Variants in CCDC171 observed in about 807,000 individuals in gnomAD.
CCDC171 encodes coiled-coil domain-containing protein 171.
CCDC171 carries 177 observed loss-of-function variants against 168.2 expected under a neutral mutation model. The observed-to-expected ratio is 1.05, with a 90% CI of 0.93 to 1.19. CCDC171 has a LOEUF of 1.19. CCDC171 is among the 50% of genes most tolerant of loss of function. The probability of loss-of-function intolerance (pLI) is 0.00; values close to 1 mark genes in which losing one functional copy is unlikely to be tolerated. For missense variants in CCDC171, 1,991 were observed against 1,539.0 expected (o/e 1.29, Z -4.91); for synonymous variants, 687 against 540.8 (o/e 1.27, Z -3.75).
intron 4 of CCDC171, among the ~76,000 whole-genome samples, chr9:15,590,753 TTTC>T (rs1318547196): frequency 2.3e-5 from 3 of 132,250 alleles, no homozygotes; most frequent in Non-Finnish European, 3.3e-5. Context: ...AATAGATTTT[TTTC>T]TTCTTTCTTT....
chr9:15,578,532 A>T (rs1039814), intron 3 of CCDC171, among the ~76,000 whole-genome samples: 61,293 of 150,418 alleles, frequency 0.41, 14,145 homozygotes, highest in East Asian at 0.74. Context: ...GGCCTCTCAA[A>T]GTGCTGGGAT....
chr9:15,880,700 T>C (rs1818529785), intron 24 of CCDC171, among the ~76,000 whole-genome samples: 1 of 149,820 alleles, frequency 6.7e-6, no homozygotes, highest in South Asian at 2.1e-4. Context: ...GGTCTCGAAC[T>C]CCTGACCTCA....
intron 25 of CCDC171, among the ~76,000 whole-genome samples, chr9:15,943,352 G>A (rs1169103737): frequency 1.3e-5 from 2 of 151,922 alleles, no homozygotes; most frequent in Non-Finnish European, 2.9e-5. Flanking sequence ...CACATATAGG[G>A]TACATTAGAC....
At chr9:15,761,783 C>A (rs2056458577) in intron 18 of CCDC171, among the ~76,000 whole-genome samples, 1 of 152,114 alleles carries the variant, frequency 6.6e-6, no homozygotes, top group Non-Finnish European at 1.5e-5. Context: ...ATTTAACTTA[C>A]AGATTTTTAC....
In CCDC171 at chr9:15,719,019, A is replaced by G. The variant is rs568233741; in HGVS notation, c.1319-2750A>G. 2.6e-5 allele frequency among the ~76,000 whole-genome samples: 4 copies of G among 152,314 alleles called. No homozygotes were observed. In the East Asian group the frequency reaches 5.8e-4, roughly 22 times the overall value. On this transcript the variant is annotated intron_variant, in intron 11 of 25. Coordinates refer to ENST00000380701, the MANE Select transcript of CCDC171 (RefSeq NM_173550.4). ...CCAGAAACCAACCCTGGAGATACAG[A>G]GATATATGACCTTTCAGATAGAGAA...
intron 7 of CCDC171, among the ~76,000 whole-genome samples, chr9:15,643,575 A>G (rs1328035253): frequency 6.6e-6 from 1 of 152,194 alleles, no homozygotes; most frequent in South Asian, 2.1e-4. Flanking sequence ...GATATACTTC[A>G]CATATCATAA....
intron 21 of CCDC171, among the ~76,000 whole-genome samples, chr9:15,829,668 C>T (rs2060150401): frequency 6.6e-6 from 1 of 152,016 alleles, no homozygotes; most frequent in African/African-American, 2.4e-5. Flanking sequence ...ACCTGTAATC[C>T]CAGCACTTTG....
intron 7 of CCDC171, among the ~76,000 whole-genome samples, chr9:15,632,133 C>T (rs918635016): frequency 6.6e-6 from 1 of 151,416 alleles, no homozygotes; most frequent in Non-Finnish European, 1.5e-5. Flanking sequence ...CCCTCTCTCA[C>T]CACTCCTATT....
rs1382590819 is a variant in CCDC171, at chr9:15,555,068, A to AT, written c.-112+1772dup. Among the ~76,000 whole-genome samples, 2 of 152,022 alleles carry AT rather than the reference A, an allele frequency of 1.3e-5. 1 individual carries two copies. Among genetic ancestry groups the AT allele is most frequent in the Non-Finnish European group, 2.9e-5 (2 of 67,964 alleles). On this transcript the variant is annotated intron_variant, in intron 1 of 25. Coordinates refer to ENST00000380701, the MANE Select transcript of CCDC171 (RefSeq NM_173550.4). The stretch of plus-strand genomic sequence containing the variant: ...AAGGACTCAGATGTAAGGTAGAAAA[A>AT]TTTTTTACCAGTAGTGGCTCCGAAA...
At chr9:15,708,006 C>G (rs2052375193) in intron 11 of CCDC171, among the ~76,000 whole-genome samples, 1 of 152,140 alleles carries the variant, frequency 6.6e-6, no homozygotes. Flanking sequence ...CAGCACTACG[C>G]CTGGCTAATT....
At chr9:15,651,333 T>C (rs2047505699) in intron 7 of CCDC171, among the ~76,000 whole-genome samples, 1 of 152,130 alleles carries the variant, frequency 6.6e-6, no homozygotes, top group African/African-American at 2.4e-5. Context: ...GGTCTTGAAC[T>C]CCTGACCTCA....
intron 11 of CCDC171, among the ~76,000 whole-genome samples, chr9:15,706,151 T>C (rs1023767180): frequency 6.6e-6 from 1 of 152,234 alleles, no homozygotes; most frequent in Non-Finnish European, 1.5e-5. Context: ...TCATTTCTTT[T>C]CAGGTAGAAA....
chr9:15,802,386 C>G (rs1476938481), intron 21 of CCDC171, among the ~76,000 whole-genome samples: 5 of 151,900 alleles, frequency 3.3e-5, no homozygotes, highest in Non-Finnish European at 5.9e-5. Context: ...CATTAGCTAT[C>G]CTTCCTGATC....
chr9:15,809,601 G>A (rs907572992), intron 21 of CCDC171, among the ~76,000 whole-genome samples: 5 of 151,968 alleles, frequency 3.3e-5, no homozygotes, highest in East Asian at 1.9e-4. Flanking sequence ...CTCTTAAGGC[G>A]GCACGTCTGG....
At chr9:15,584,108 C>T (rs937745117) in intron 4 of CCDC171, among the ~76,000 whole-genome samples, 3 of 152,168 alleles carry the variant, frequency 2.0e-5, no homozygotes, top group Non-Finnish European at 4.4e-5. Flanking sequence ...ACCTTGTGAT[C>T]CACCCGCCTC....
At chr9:15,903,871 T>C in intron 24 of CCDC171, among the ~76,000 whole-genome samples, 1 of 152,164 alleles carries the variant, frequency 6.6e-6, no homozygotes, top group Non-Finnish European at 1.5e-5. Context: ...GAGAGGTACG[T>C]GACGAATGCA....
At chr9:15,634,302 A>T (rs746162927) in intron 7 of CCDC171, among the ~76,000 whole-genome samples, 149 of 152,200 alleles carry the variant, frequency 9.8e-4, no homozygotes, top group Non-Finnish European at 1.8e-3. Flanking sequence ...GAAAATTTTT[A>T]AACATTACAA....
Position 16,054,120 on chromosome 9 carries a change from C to G in CCDC171, n.90-6526C>G, listed in dbSNP as rs541921849. On this transcript the variant is annotated intron_variant and non_coding_transcript_variant, in intron 1 of 1. Coordinates refer to the CCDC171 transcript ENST00000478913. ...GCTCATGAGGCCACGTATTTGAGTG[C>G]GTGGAAAGATATGGTCCTTCTCTGG... is the stretch of plus-strand genomic sequence containing the variant. Among the ~76,000 whole-genome samples the G allele has an allele frequency of 6.1e-4, 93 of 152,226 alleles. 1 individual carries two copies. The highest frequency in any genetic ancestry group is 2.0e-3 in the African/African-American group (85 of 41,528).
At chr9:15,612,211 C>T (rs1161533638) in intron 6 of CCDC171, among the ~76,000 whole-genome samples, 1 of 152,154 alleles carries the variant, frequency 6.6e-6, no homozygotes, top group Non-Finnish European at 1.5e-5. Flanking sequence ...GACATTGTGC[C>T]TCCAAATTCT....
Sources: allele counts gnomAD v4.1 joint callset (sites outside exome capture counted in the v4.1 genomes callset), GRCh38; gene constraint gnomAD v4.1.1; transcripts MANE v1.5; gene names NCBI Gene and HGNC (gene_info 2026-07-23, HGNC 2026-07-21).